EYS: variants seen among roughly 807,000 people sequenced by gnomAD.
EYS encodes the protein protein eyes shut homolog.
A neutral mutation model predicts 282.1 loss-of-function variants in EYS; 250 were observed. The observed-to-expected ratio is 0.89, with a 90% CI of 0.80 to 0.98. The LOEUF is 0.98. Ranked by LOEUF, EYS falls within the 50% of genes least tolerant of loss-of-function variation. The pLI is 0.00. For missense variants in EYS, 4,016 were observed against 3,709.0 expected, an observed-to-expected ratio of 1.08 and a Z score of -2.15; for synonymous variants, 1,355 against 1,282.9, an observed-to-expected ratio of 1.06 and a Z score of -1.20.
At chr6:64,089,353 T>A (rs1011022771) in intron 31 of EYS, among the ~76,000 whole-genome samples, 2 of 150,288 alleles carry the variant, frequency 1.3e-5, no homozygotes, top group African/African-American at 4.9e-5. Context: ...ATTATAATAT[T>A]ATAAAATTAA....
chr6:64,895,683 A>G (rs1324641625), intron 18 of EYS, among the ~76,000 whole-genome samples: 2 of 152,194 alleles, frequency 1.3e-5, no homozygotes, highest in African/African-American at 4.8e-5. Context: ...AGAAGGCACT[A>G]CAGATCAGTG....
intron 29 of EYS, among the ~76,000 whole-genome samples, chr6:64,361,264 A>G (rs1313152302): frequency 2.0e-5 from 3 of 151,710 alleles, no homozygotes; most frequent in Non-Finnish European, 4.4e-5. Flanking sequence ...CTATGGATAG[A>G]AATGAAAATA....
intron 13 of EYS, among the ~76,000 whole-genome samples, chr6:65,051,966 T>TGGTAAGTACTTCATTGG (rs1773282785): frequency 6.6e-6 from 1 of 151,560 alleles, no homozygotes; most frequent in Non-Finnish European, 1.5e-5. Flanking sequence ...CTTTGCTTCT[T>TGGTAAGTACTTCATTGG]TAAATACTTC....
intron 22 of EYS, among the ~76,000 whole-genome samples, chr6:64,798,592 G>C (rs1041107315): frequency 5.1e-5 from 6 of 118,420 alleles, no homozygotes; most frequent in African/African-American, 1.9e-4. Context: ...CATTCTGCCT[G>C]TTTCTTTGTT....
At chr6:65,325,863 C>T (rs948627509) in intron 11 of EYS, among the ~76,000 whole-genome samples, 7 of 152,050 alleles carry the variant, frequency 4.6e-5, no homozygotes, top group African/African-American at 1.7e-4. Flanking sequence ...AATAGACTGG[C>T]TAAACTGTAA....
Position 65,494,658 on chromosome 6 carries a change from CT to C in EYS, c.748+4del, listed in dbSNP as rs1322288481. On this transcript the variant is annotated splice_donor_region_variant and intron_variant, in intron 4 of 42. Transcript: ENST00000503581. ...AATAAAATTATATATTTTAAACAAT[CT>C]TACCTGTAAATGGTGGGTGACAGAC... 3 of 1,549,550 alleles carry C rather than the reference CT, an allele frequency of 1.9e-6. No homozygotes were observed. Among genetic ancestry groups the C allele is most frequent in the Non-Finnish European group, 2.6e-6 (3 of 1,144,614 alleles).
intron 30 of EYS, among the ~76,000 whole-genome samples, chr6:64,287,724 A>G (rs1562288375): frequency 6.6e-6 from 1 of 152,172 alleles, no homozygotes; most frequent in African/African-American, 2.4e-5. Flanking sequence ...GAAGCAATAT[A>G]TCTTCACTGT....
At chr6:65,660,756 T>C (rs1767977505) in intron 1 of EYS, among the ~76,000 whole-genome samples, 1 of 151,884 alleles carries the variant, frequency 6.6e-6, no homozygotes, top group African/African-American at 2.4e-5. Flanking sequence ...GTGATCACCT[T>C]AATTTCTTGA....
intron 16 of EYS, 50 bp from the exon 17 acceptor site, chr6:64,902,550 A>G: frequency 8.8e-7 from 1 of 1,131,648 alleles, no homozygotes; most frequent in Non-Finnish European, 1.2e-6. Context: ...GTTATAGAGT[A>G]AAAAAATCAG....
chr6:63,790,874 C>T (rs999126886), intron 37 of EYS, among the ~76,000 whole-genome samples: 1 of 152,108 alleles, frequency 6.6e-6, no homozygotes, highest in Non-Finnish European at 1.5e-5. Flanking sequence ...CAGTATTGTG[C>T]CAGCCGAGCT....
intron 41 of EYS, among the ~76,000 whole-genome samples, chr6:63,761,658 C>A (rs902881417): frequency 2.6e-5 from 4 of 151,858 alleles, no homozygotes; most frequent in African/African-American, 9.7e-5. Flanking sequence ...TTTATCCCAG[C>A]CTCTGTTTCT....
chr6:63,734,034 A>G (rs1324131241), intron 41 of EYS, among the ~76,000 whole-genome samples: 1 of 152,184 alleles, frequency 6.6e-6, no homozygotes, highest in Non-Finnish European at 1.5e-5. Context: ...ACAGAAAACC[A>G]AATACTGTGT....
chr6:64,211,109 A>G (rs901643268), intron 31 of EYS, among the ~76,000 whole-genome samples: 3 of 152,096 alleles, frequency 2.0e-5, no homozygotes, highest in Non-Finnish European at 4.4e-5. Flanking sequence ...GCCTGTTATG[A>G]AACTTCTCAG....
chr6:64,704,613 G>A (rs901720245), intron 22 of EYS, among the ~76,000 whole-genome samples: 1 of 150,790 alleles, frequency 6.6e-6, no homozygotes, highest in Non-Finnish European at 1.5e-5. Flanking sequence ...CATGGAATAT[G>A]ACTTCACATC....
intron 14 of EYS, among the ~76,000 whole-genome samples, chr6:64,959,603 T>G (rs962303411): frequency 6.6e-6 from 1 of 152,194 alleles, no homozygotes; most frequent in Admixed American, 6.5e-5. Context: ...ATTGAACATC[T>G]TATCCAATTG....
intron 16 of EYS, among the ~76,000 whole-genome samples, chr6:64,905,943 C>T (rs1272719074): frequency 6.6e-6 from 1 of 151,660 alleles, no homozygotes; most frequent in African/African-American, 2.4e-5. Context: ...TAAATAAAAA[C>T]TCAAACACTT....
At chr6:63,931,539 G>T (rs1172608720) in intron 35 of EYS, among the ~76,000 whole-genome samples, 2 of 152,056 alleles carry the variant, frequency 1.3e-5, no homozygotes, top group Non-Finnish European at 2.9e-5. Context: ...TCTTGTTTTG[G>T]CTTCCTTTCA....
chr6:63,824,192 G>C (rs559286119), intron 36 of EYS, among the ~76,000 whole-genome samples: 1 of 152,142 alleles, frequency 6.6e-6, no homozygotes, highest in Non-Finnish European at 1.5e-5. Flanking sequence ...GGGACATAAA[G>C]TAAATTATTA....
At chr6:65,481,553 GTTTGT>G (rs1482890636) in intron 5 of EYS, among the ~76,000 whole-genome samples, 17 of 151,934 alleles carry the variant, frequency 1.1e-4, no homozygotes, top group African/African-American at 3.6e-4. Flanking sequence ...TGTTTGTTTT[GTTTGT>G]TTTGTTTTGA....
Sources: allele counts gnomAD v4.1 joint callset (sites outside exome capture counted in the v4.1 genomes callset), GRCh38; gene constraint gnomAD v4.1.1; transcripts MANE v1.5; gene names NCBI Gene and HGNC (gene_info 2026-07-23, HGNC 2026-07-21).